The following PHLDB2 variants were observed in gnomAD, a reference collection of about 807,000 sequenced individuals.
PHLDB2 encodes the protein pleckstrin homology like domain family B member 2, also known as pleckstrin homology-like domain family B member 2.
PHLDB2 carries 71 observed loss-of-function variants against 123.6 expected under a neutral mutation model. The ratio of observed to expected loss-of-function variants is 0.57; its 90% CI spans 0.47 to 0.70. The LOEUF (loss-of-function observed/expected upper bound fraction) is 0.70. Ranked by LOEUF, PHLDB2 falls within the 30% of genes least tolerant of loss-of-function variation. PHLDB2 has a pLI of 0.00. For missense variants in PHLDB2, 1,446 were observed against 1,519.5 expected, an observed-to-expected ratio of 0.95 and a Z score of 0.80; for synonymous variants, 547 against 541.6, an observed-to-expected ratio of 1.01 and a Z score of -0.14.
Position 111,863,418 on chromosome 3 carries a change from A to T in PHLDB2, c.-15+3842A>T, listed in dbSNP as rs1221365970. Among the ~76,000 whole-genome samples the T allele has an allele frequency of 5.9e-5, 9 of 152,218 alleles. 1 individual carries two copies. The highest frequency in any genetic ancestry group is 5.9e-4 in the Admixed American group (9 of 15,286). ...GAAGAAAAAAAGACACCTGGCATAT[A>T]TGGAAATGAGCAAGTGTTGGGGAAA... On this transcript the variant is annotated intron_variant, in intron 1 of 17. Coordinates refer to ENST00000431670, the MANE Select transcript of PHLDB2 (RefSeq NM_001134438.2).
intron 1 of PHLDB2, among the ~76,000 whole-genome samples, chr3:111,831,948 CAG>C (rs913983887): frequency 5.9e-5 from 9 of 152,228 alleles, no homozygotes; most frequent in African/African-American, 1.7e-4. Context: ...AAGGCTGTGT[CAG>C]AGAGAGTTAC....
In PHLDB2 at chr3:111,932,123, A is replaced by G. The variant is rs138661350; in HGVS notation, c.2002-146A>G. The G allele has an allele frequency of 5.1e-5, 43 of 843,420 alleles. No individual in the cohort carries two copies. In the African/African-American group the frequency reaches 6.9e-4, roughly 14 times the overall value. The allele number at this position is 843,420 out of a possible 1,614,324, so 52.2% of individuals were successfully genotyped here. Reference sequence around the variant, plus strand: ...ACTTCCACTTATATCCCTTTATCCTAGCCACTAACAAGATACGTTTCTACA... The same window carrying G: ...ACTTCCACTTATATCCCTTTATCCTGGCCACTAACAAGATACGTTTCTACA... On this transcript the variant is annotated intron_variant, in intron 5 of 17. Transcript: ENST00000431670.
At chr3:111,843,966 A>G (rs562078097) in intron 1 of PHLDB2, among the ~76,000 whole-genome samples, 2 of 152,202 alleles carry the variant, frequency 1.3e-5, no homozygotes, top group African/African-American at 4.8e-5. Flanking sequence ...TACGTAAAAA[A>G]CTCAGTAATG....
chr3:111,975,876 C>T lies in PHLDB2; in HGVS notation c.*1313C>T, dbSNP rs1052606993. The T allele has an allele frequency of 3.9e-5, 6 of 152,582 alleles. No homozygotes were observed. The highest frequency in any genetic ancestry group is 5.9e-5 in the Non-Finnish European group (4 of 68,020). 9.5% of individuals were successfully genotyped at this position (152,582 alleles called of 1,614,324 possible). ...AGATTAGAAGTGTCCCTTTATTAAA[C>T]TTTGTCAGCCTGACTGGGTACAATT... On this transcript the variant is annotated 3_prime_UTR_variant, in exon 18 of 18. Coordinates refer to ENST00000431670, the MANE Select transcript of PHLDB2 (RefSeq NM_001134438.2).
At chr3:111,859,693 T>C (rs1221960201) in intron 1 of PHLDB2, 117 bp downstream of exon 1, 18 of 984,602 alleles carry the variant, frequency 1.8e-5, no homozygotes, top group Non-Finnish European at 2.2e-5. Context: ...CCGGTTGCGC[T>C]GCGGAGGGTT....
chr3:111,759,600 A>G (rs981028181), intron 1 of PHLDB2, among the ~76,000 whole-genome samples: 4 of 152,212 alleles, frequency 2.6e-5, no homozygotes, highest in Non-Finnish European at 5.9e-5. Context: ...TAGCATGTAA[A>G]GTTACTCTTT....
rs145424074 is a variant in PHLDB2, at chr3:111,747,955, G to A, written c.-49+15252G>A. Among the ~76,000 whole-genome samples, 473 of 152,278 alleles carry A rather than the reference G, an allele frequency of 3.1e-3. 4 individuals are homozygous for A. Among genetic ancestry groups the A allele is most frequent in the African/African-American group, 0.01 (434 of 41,562 alleles). On this transcript the variant is annotated intron_variant, in intron 1 of 17. Coordinates refer to the PHLDB2 transcript ENST00000393923. The stretch of plus-strand genomic sequence containing the variant: ...TGATTCCCTGTGGGCAACTGGATGC[G>A]CTGGAGCTTCTGGTCCTACAGAGCT...
intron 1 of PHLDB2, among the ~76,000 whole-genome samples, chr3:111,802,173 C>T (rs1453849493): frequency 1.3e-5 from 2 of 152,216 alleles, no homozygotes; most frequent in African/African-American, 2.4e-5. Flanking sequence ...GTCTATCAAG[C>T]TACTGCACAG....
At chr3:111,834,264 T>C (rs1289221592) in intron 1 of PHLDB2, among the ~76,000 whole-genome samples, 1 of 114,116 alleles carries the variant, frequency 8.8e-6, no homozygotes, top group Non-Finnish European at 1.8e-5. Context: ...ATAATTCTAT[T>C]ATATACATAA....
Position 111,741,580 on chromosome 3 carries a change from A to G in PHLDB2, c.-49+8877A>G, listed in dbSNP as rs191885113. 1.2e-3 allele frequency among the ~76,000 whole-genome samples: 180 copies of G among 152,182 alleles called. 1 individual carries two copies. Among genetic ancestry groups the G allele is most frequent in the African/African-American group, 4.0e-3 (166 of 41,546 alleles). ...GTCTGTGTGTGTGTGTTACGTGGAA[A>G]GAATTTTAATATGAGAAGGGCATTA... On this transcript the variant is annotated intron_variant, in intron 1 of 17. Transcript: ENST00000393923.
chr3:111,755,629 G>T (rs1258167756), intron 1 of PHLDB2, among the ~76,000 whole-genome samples: 6 of 145,310 alleles, frequency 4.1e-5, no homozygotes, highest in Admixed American at 2.7e-4. Flanking sequence ...TTGTTTGAAG[G>T]GTTTTTTGTG....
At chr3:111,801,719 T>C (rs1464927931) in intron 1 of PHLDB2, among the ~76,000 whole-genome samples, 3 of 152,188 alleles carry the variant, frequency 2.0e-5, no homozygotes, top group Non-Finnish European at 4.4e-5. Context: ...AATATTATGC[T>C]AAGTGAAAGG....
In PHLDB2 at chr3:111,834,251, T is replaced by C. The variant is rs1435262291; in HGVS notation, c.-48-11570T>C. 6.9e-5 allele frequency among the ~76,000 whole-genome samples: 8 copies of C among 116,780 alleles called. 1 individual carries two copies. In the South Asian group the frequency reaches 2.2e-3, roughly 32 times the overall value. The allele number at this position is 116,780 out of a possible 152,430, so 76.6% of individuals were successfully genotyped here. On this transcript the variant is annotated intron_variant, in intron 1 of 17. Coordinates refer to the PHLDB2 transcript ENST00000393923. The stretch of plus-strand genomic sequence containing the variant: ...ATATTATGTATATAATAGAATTATA[T>C]ATATAATTCTATTATATACATAATA...
chr3:111,798,905 T>C (rs919051350), intron 1 of PHLDB2, among the ~76,000 whole-genome samples: 2 of 152,062 alleles, frequency 1.3e-5, no homozygotes, highest in Non-Finnish European at 2.9e-5. Flanking sequence ...AATAAAGACA[T>C]ACCCAAGACT....
intron 1 of PHLDB2, among the ~76,000 whole-genome samples, chr3:111,879,418 A>G (rs1300988641): frequency 6.6e-6 from 1 of 152,096 alleles, no homozygotes; most frequent in Non-Finnish European, 1.5e-5. Context: ...ATAGTCTTAT[A>G]TTTACTATTT....
intron 1 of PHLDB2, among the ~76,000 whole-genome samples, chr3:111,785,283 T>G (rs951950080): frequency 9.2e-5 from 14 of 152,170 alleles, no homozygotes; most frequent in African/African-American, 3.4e-4. Context: ...CTATTTCAGT[T>G]GATTCTCAAG....
rs150422983 is a variant in PHLDB2 at position 111,782,663 on chromosome 3, T to C, written c.-49+49960T>C. 1.6e-3 allele frequency among the ~76,000 whole-genome samples: 240 copies of C among 152,244 alleles called. 1 individual carries two copies. Among genetic ancestry groups the C allele is most frequent in the African/African-American group, 5.5e-3 (229 of 41,568 alleles). On this transcript the variant is annotated intron_variant, in intron 1 of 17. Transcript: ENST00000393923. ...TGAGACTCCTGCTAGAGCTTCTTTC[T>C]GTAGTACCAAGTACTGACCCCACTG...
intron 12 of PHLDB2, among the ~76,000 whole-genome samples, chr3:111,954,605 G>A (rs892402796): frequency 1.3e-5 from 2 of 152,108 alleles, no homozygotes; most frequent in Non-Finnish European, 1.5e-5. Flanking sequence ...GTCTTCATGG[G>A]GCTAGAAGAA....
intron 1 of PHLDB2, among the ~76,000 whole-genome samples, chr3:111,780,402 AG>A (rs2060414410): frequency 6.9e-6 from 1 of 145,814 alleles, no homozygotes; most frequent in African/African-American, 2.6e-5. Flanking sequence ...AAGAAGAAGA[AG>A]AAGAAGAAAA....
Sources: gnomAD v4.1 joint callset for allele counts (sites outside exome capture counted in the v4.1 genomes callset) on GRCh38, gnomAD v4.1.1 for gene constraint, MANE v1.5 for transcripts, NCBI Gene and HGNC (gene_info 2026-07-23, HGNC 2026-07-21) for gene names.